Variants in FAM240B observed in about 807,000 individuals in gnomAD.
FAM240B encodes family with sequence similarity 240 member B.
At chr9:38,713,619 T>C (rs952064733) in intron 1 of FAM240B, among the ~76,000 whole-genome samples, 2 of 152,082 alleles carry the variant, frequency 1.3e-5, no homozygotes, top group Non-Finnish European at 2.9e-5. Flanking sequence ...ATCAGTGTTA[T>C]GGAGTTCCCA....
At chr9:38,715,181 T>G (rs1019799289) in intron 1 of FAM240B, among the ~76,000 whole-genome samples, 1 of 152,194 alleles carries the variant, frequency 6.6e-6, no homozygotes, top group African/African-American at 2.4e-5. Context: ...AAAGAGATAT[T>G]CCGTCCTGGA....
At chr9:38,714,637 G>T (rs769452244) in intron 1 of FAM240B, among the ~76,000 whole-genome samples, 3 of 152,174 alleles carry the variant, frequency 2.0e-5, no homozygotes, top group African/African-American at 7.2e-5. Flanking sequence ...GATGTGACAC[G>T]CTGACTCTAT....
At chr9:38,702,552 T>C (rs62539029) in intron 2 of FAM240B, among the ~76,000 whole-genome samples, 8,366 of 152,256 alleles carry the variant, frequency 0.055, 319 homozygotes, top group Non-Finnish European at 0.086. Flanking sequence ...CCCAGAAGAA[T>C]TGAGCTGATC....
chr9:38,708,046 T>C (rs974523022), intron 1 of FAM240B, among the ~76,000 whole-genome samples: 1 of 152,064 alleles, frequency 6.6e-6, no homozygotes, highest in Non-Finnish European at 1.5e-5. Flanking sequence ...CACTAGGTCT[T>C]GAAGGGCACG....
At chr9:38,717,304 G>A (rs1821315764) in intron 1 of FAM240B, among the ~76,000 whole-genome samples, 1 of 152,242 alleles carries the variant, frequency 6.6e-6, no homozygotes, top group East Asian at 2.0e-4. Context: ...GTTTTGGCCG[G>A]GCGCAGTGGC....
chr9:38,698,071 C>T (rs1231709612), intron 2 of FAM240B, among the ~76,000 whole-genome samples: 1 of 152,164 alleles, frequency 6.6e-6, no homozygotes, highest in Non-Finnish European at 1.5e-5. Flanking sequence ...TGAAGAGCTG[C>T]AATGCAGATC....
At chr9:38,708,818 G>A (rs900122158) in intron 1 of FAM240B, among the ~76,000 whole-genome samples, 1 of 152,120 alleles carries the variant, frequency 6.6e-6, no homozygotes, top group African/African-American at 2.4e-5. Flanking sequence ...TAGTTTATAC[G>A]TGATATCAAA....
At chr9:38,708,441 T>A (rs183499429) in intron 1 of FAM240B, among the ~76,000 whole-genome samples, 1 of 151,802 alleles carries the variant, frequency 6.6e-6, no homozygotes, top group African/African-American at 2.4e-5. Context: ...TCACTAGGGG[T>A]CATGTAGACA....
At chr9:38,714,667 C>G (rs1821289854) in intron 1 of FAM240B, among the ~76,000 whole-genome samples, 1 of 152,188 alleles carries the variant, frequency 6.6e-6, no homozygotes, top group Non-Finnish European at 1.5e-5. Context: ...CTCCCAACAC[C>G]AGAATGCTGT....
At chr9:38,699,201 C>T (rs986761573) in intron 2 of FAM240B, among the ~76,000 whole-genome samples, 1 of 152,168 alleles carries the variant, frequency 6.6e-6, no homozygotes, top group Non-Finnish European at 1.5e-5. Flanking sequence ...CACAGTTTCT[C>T]CTTGATAAGT....
chr9:38,719,870 C>A (rs1426699877), intron 1 of FAM240B, among the ~76,000 whole-genome samples, 152 bp downstream of exon 1: 2 of 152,166 alleles, frequency 1.3e-5, no homozygotes, highest in Admixed American at 6.5e-5. Flanking sequence ...CTGTTATTCC[C>A]AACTGGTACA....
chr9:38,703,427 A>G (rs1821152696), intron 2 of FAM240B, among the ~76,000 whole-genome samples: 1 of 152,200 alleles, frequency 6.6e-6, no homozygotes, highest in African/African-American at 2.4e-5. Context: ...GGCAACTGGA[A>G]ACAACTCCTA....
rs550446909 is a variant in FAM240B at position 38,709,661 on chromosome 9, A to G, written c.-3-5659T>C. Among the ~76,000 whole-genome samples the G allele has an allele frequency of 2.6e-5, 4 of 152,316 alleles. No individual in the cohort carries two copies. In the South Asian group the frequency reaches 8.3e-4, roughly 32 times the overall value. ...GCCGCTGTGATCTCCTGTGGGATGG[A>G]CCAGTAGGGTTTTATTGTCACAGAA... On this transcript the variant is annotated intron_variant, in intron 1 of 2. Transcript: ENST00000637493.
intron 2 of FAM240B, among the ~76,000 whole-genome samples, chr9:38,698,126 A>G (rs1821087432): frequency 6.6e-6 from 1 of 152,240 alleles, no homozygotes. Context: ...GGTTCCTTTT[A>G]TGACCCTTGG....
At position 38,694,726 on chromosome 9, in the gene FAM240B, C is replaced by A; in HGVS notation, c.*50G>T. The A allele has an allele frequency of 2.5e-6, 1 of 398,372 alleles. No individual in the cohort carries two copies. 24.7% of individuals were successfully genotyped at this position (398,372 alleles called of 1,614,324 possible). A position where few individuals can be genotyped will look rare whatever the true frequency, so the allele number is the denominator to read the frequency against. On this transcript the variant is annotated 3_prime_UTR_variant, in exon 3 of 3. Transcript: ENST00000637493. ...CAACTTGAGTGTTAGTTTTTTTCCC[C>A]TAGAAAAGTGGTCGCTTGCTATCTT...
rs184669674 is a variant in FAM240B at position 38,713,402 on chromosome 9, T to C, written c.-4+6620A>G. ...CTGAGGCAGGAGAATGGCGTGAACC[T>C]GGGAGGGAGAGCTTGCAGTGAGCCG... On this transcript the variant is annotated intron_variant, in intron 1 of 2. Coordinates refer to ENST00000637493, the MANE Select transcript of FAM240B (RefSeq NM_001394922.1). Among the ~76,000 whole-genome samples, 1,070 of 131,298 alleles carry C rather than the reference T, an allele frequency of 8.1e-3. 18 individuals are homozygous for C. The highest frequency in any genetic ancestry group is 0.03 in the African/African-American group (1,028 of 34,618). 86.1% of individuals were successfully genotyped at this position (131,298 alleles called of 152,430 possible).
At chr9:38,706,761 C>G (rs1416857431) in intron 1 of FAM240B, among the ~76,000 whole-genome samples, 1 of 152,244 alleles carries the variant, frequency 6.6e-6, no homozygotes, top group Non-Finnish European at 1.5e-5. Flanking sequence ...TCCTGTCTTT[C>G]AAGGGCATAT....
intron 2 of FAM240B, among the ~76,000 whole-genome samples, chr9:38,702,262 G>A (rs563616257): frequency 6.6e-6 from 1 of 152,336 alleles, no homozygotes; most frequent in African/African-American, 2.4e-5. Context: ...TAGGCCACCA[G>A]GAGTGTGGCT....
chr9:38,712,848 G>A (rs1271125989), intron 1 of FAM240B, among the ~76,000 whole-genome samples: 1 of 152,102 alleles, frequency 6.6e-6, no homozygotes, highest in African/African-American at 2.4e-5. Flanking sequence ...GCTGATACTG[G>A]GCTGTGAACC....
Sources: gnomAD v4.1 joint callset for allele counts (sites outside exome capture counted in the v4.1 genomes callset) on GRCh38, gnomAD v4.1.1 for gene constraint, MANE v1.5 for transcripts, NCBI Gene and HGNC (gene_info 2026-07-23, HGNC 2026-07-21) for gene names.